The following TUSC3 variants were observed in gnomAD, a reference collection of about 807,000 sequenced individuals.
The protein encoded by TUSC3 is tumor suppressor candidate 3.
TUSC3 carries 45 observed loss-of-function variants against 44.8 expected under a neutral mutation model. The observed-to-expected ratio is 1.00, with a 90% CI of 0.79 to 1.29. TUSC3 has a LOEUF of 1.29. TUSC3 is among the 50% of genes most tolerant of loss of function. The pLI is 0.00. For missense variants in TUSC3, 519 were observed against 437.9 expected (o/e 1.19, Z -1.65); for synonymous variants, 212 against 152.9 (o/e 1.39, Z -2.85).
chr8:15,466,636 G>A (rs919587268), intron 1 of TUSC3, among the ~76,000 whole-genome samples: 2 of 152,146 alleles, frequency 1.3e-5, no homozygotes, highest in Non-Finnish European at 2.9e-5. Flanking sequence ...ATCCAACTTA[G>A]AGAATGTCTC....
intron 1 of TUSC3, among the ~76,000 whole-genome samples, chr8:15,601,752 G>A (rs1225778573): frequency 6.6e-6 from 1 of 151,468 alleles, no homozygotes; most frequent in Non-Finnish European, 1.5e-5. Flanking sequence ...TAGTAACAAT[G>A]GTTCTAATGT....
chr8:15,740,693 A>C (rs13274016), intron 7 of TUSC3, among the ~76,000 whole-genome samples: 43,898 of 152,022 alleles, frequency 0.29, 7,219 homozygotes, highest in Non-Finnish European at 0.37. Context: ...AACTTGAACT[A>C]ACATTGCTCA....
intron 6 of TUSC3, among the ~76,000 whole-genome samples, chr8:15,726,522 G>A (rs571215433): frequency 3.3e-5 from 5 of 151,948 alleles, no homozygotes; most frequent in South Asian, 2.1e-4. Flanking sequence ...AATATTCAAT[G>A]GGGCCAGGTG....
intron 1 of TUSC3, among the ~76,000 whole-genome samples, chr8:15,447,349 C>G (rs1053327234): frequency 1.3e-4 from 19 of 151,946 alleles, no homozygotes; most frequent in Admixed American, 3.3e-4. Context: ...TGTCAGAAAA[C>G]TAAAGACAAA....
At chr8:15,599,289 T>A (rs958676449) in intron 1 of TUSC3, among the ~76,000 whole-genome samples, 7 of 151,886 alleles carry the variant, frequency 4.6e-5, no homozygotes, top group Non-Finnish European at 7.4e-5. Flanking sequence ...TTTGTTCTTA[T>A]TGATGAGTTT....
intron 1 of TUSC3, among the ~76,000 whole-genome samples, chr8:15,598,340 T>C (rs1438901186): frequency 6.6e-6 from 1 of 151,960 alleles, no homozygotes; most frequent in East Asian, 1.9e-4. Flanking sequence ...CACAGCAAAG[T>C]TGAGAGGAAA....
intron 6 of TUSC3, among the ~76,000 whole-genome samples, chr8:15,680,099 CTT>C (rs34530180): frequency 6.7e-6 from 1 of 149,892 alleles, no homozygotes; most frequent in South Asian, 2.1e-4. Flanking sequence ...TTTAGAATAG[CTT>C]TTTTTTTTCT....
chr8:15,610,556 G>A (rs980760527), intron 1 of TUSC3, among the ~76,000 whole-genome samples: 10 of 152,030 alleles, frequency 6.6e-5, no homozygotes, highest in African/African-American at 2.4e-4. Flanking sequence ...AGTTCTTATT[G>A]TTATACTGAT....
downstream of TUSC3, among the ~76,000 whole-genome samples, chr8:15,769,118 A>G (rs960889091): frequency 6.6e-6 from 1 of 152,172 alleles, no homozygotes; most frequent in Non-Finnish European, 1.5e-5. Context: ...CATAACCAAG[A>G]CAATCTTAAG....
At chr8:15,628,675 A>T (rs188941767) in intron 2 of TUSC3, among the ~76,000 whole-genome samples, 21 of 152,214 alleles carry the variant, frequency 1.4e-4, no homozygotes, top group African/African-American at 5.1e-4. Flanking sequence ...CTGAGAAGCA[A>T]TGGAAATGGA....
chr8:15,649,411 C>T (rs891943405), intron 2 of TUSC3, among the ~76,000 whole-genome samples: 4 of 151,678 alleles, frequency 2.6e-5, no homozygotes, highest in Non-Finnish European at 5.9e-5. Flanking sequence ...GGTGAAACCC[C>T]GTCTCTACTA....
chr8:15,756,022 C>T (rs976994652), intron 9 of TUSC3, among the ~76,000 whole-genome samples: 6 of 152,140 alleles, frequency 3.9e-5, no homozygotes, highest in African/African-American at 1.4e-4. Context: ...TCTAGTAATT[C>T]TGTCACTTTG....
chr8:15,684,700 G>A (rs1023251890), intron 6 of TUSC3, among the ~76,000 whole-genome samples: 2 of 152,104 alleles, frequency 1.3e-5, no homozygotes, highest in African/African-American at 4.8e-5. Context: ...GAGATTGAGG[G>A]CTGCTTCCCC....
At chr8:15,634,303 T>A (rs980735805) in intron 2 of TUSC3, among the ~76,000 whole-genome samples, 1 of 152,136 alleles carries the variant, frequency 6.6e-6, no homozygotes, top group Non-Finnish European at 1.5e-5. Flanking sequence ...CTTTGGTTCC[T>A]CCAACTCAGT....
intron 1 of TUSC3, among the ~76,000 whole-genome samples, chr8:15,566,899 T>C (rs116319882): frequency 2.6e-5 from 4 of 152,046 alleles, no homozygotes; most frequent in South Asian, 4.1e-4. Context: ...TCCCAAACCA[T>C]TGGGATTGTA....
chr8:15,573,430 T>G (rs1802968434), intron 1 of TUSC3, among the ~76,000 whole-genome samples: 1 of 151,694 alleles, frequency 6.6e-6, no homozygotes, highest in Non-Finnish European at 1.5e-5. Context: ...TAGGTTGGCT[T>G]GCCACACTTC....
intron 1 of TUSC3, among the ~76,000 whole-genome samples, chr8:15,481,835 A>G (rs1800665853): frequency 6.6e-6 from 1 of 152,190 alleles, no homozygotes; most frequent in Non-Finnish European, 1.5e-5. Context: ...CTGACTGATC[A>G]GGGTAGTGGT....
At chr8:15,843,012 C>G in the TUSC3 span, among the ~76,000 whole-genome samples, 3 of 152,180 alleles carry the variant, frequency 2.0e-5, no homozygotes, top group Non-Finnish European at 4.4e-5. Flanking sequence ...CAACCACAGC[C>G]TGAGAACATG....
intron 2 of TUSC3, among the ~76,000 whole-genome samples, chr8:15,504,080 C>T (rs1801012259): frequency 6.6e-6 from 1 of 151,808 alleles, no homozygotes; most frequent in Non-Finnish European, 1.5e-5. Flanking sequence ...CCACTGCTCG[C>T]TTCAGACTAG....
Sources: allele counts gnomAD v4.1 joint callset (sites outside exome capture counted in the v4.1 genomes callset), GRCh38; gene constraint gnomAD v4.1.1; transcripts MANE v1.5; gene names NCBI Gene and HGNC (gene_info 2026-07-23, HGNC 2026-07-21).